Variants in YWHAH observed in about 807,000 individuals in gnomAD.
YWHAH encodes the protein tyrosine 3-monooxygenase/tryptophan 5-monooxygenase activation protein eta.
Under a neutral mutation model 22.9 loss-of-function variants are expected in YWHAH, and 6 were observed. The ratio of observed to expected loss-of-function variants is 0.26; its 90% confidence interval spans 0.14 to 0.52. YWHAH has a LOEUF of 0.52. Ranked by LOEUF, YWHAH falls within the 20% of genes least tolerant of loss-of-function variation. The pLI is 0.97. For synonymous variants in YWHAH, 135 were observed against 124.5 expected (o/e 1.08, Z -0.56); for missense variants, 173 against 308.6 (o/e 0.56, Z 3.29).
intron 1 of YWHAH, among the ~76,000 whole-genome samples, chr22:31,948,664 C>T (rs2093838455): frequency 6.6e-6 from 1 of 152,154 alleles, no homozygotes; most frequent in South Asian, 2.1e-4. Context: ...AGTGAGCTAC[C>T]ACACCCAACC....
At chr22:31,953,726 A>G (rs1212140962) in intron 1 of YWHAH, among the ~76,000 whole-genome samples, 1 of 152,190 alleles carries the variant, frequency 6.6e-6, no homozygotes, top group Non-Finnish European at 1.5e-5. Flanking sequence ...AGGATGAATA[A>G]TGAGAACCCT....
At chr22:31,946,322 C>A (rs189991974) in intron 1 of YWHAH, among the ~76,000 whole-genome samples, 11 of 152,100 alleles carry the variant, frequency 7.2e-5, no homozygotes, top group African/African-American at 2.7e-4. Context: ...TATAGTTTTG[C>A]ATATTTTACA....
rs963208626 is a variant in YWHAH at position 31,944,566 on chromosome 22, C to T, written c.-168C>T. 9.6e-5 allele frequency: 29 copies of T among 303,610 alleles called. No homozygotes were observed. The highest frequency in any genetic ancestry group is 5.7e-4 in the African/African-American group (25 of 43,484). 18.8% of individuals were successfully genotyped at this position (303,610 alleles called of 1,614,324 possible). On this transcript the variant is annotated 5_prime_UTR_variant, in exon 1 of 2. Coordinates refer to ENST00000248975, the MANE Select transcript of YWHAH (RefSeq NM_003405.4). ...CGCGGGGCGAGCCAGCGAGAGGGCG[C>T]GAGCGGCGGCGCTGCCTGCAGCCTG...
chr22:31,945,463 T>A, intron 1 of YWHAH: 2 of 1,304,140 alleles, frequency 1.5e-6, no homozygotes, highest in Non-Finnish European at 2.0e-6. Context: ...GCTGCTGCGC[T>A]GTCTGCTTGG....
Position 31,944,575 on chromosome 22 carries a change from GCGCTGCC to G in YWHAH, c.-158_-152del, listed in dbSNP as rs1392100390. 385 of 329,488 alleles carry G rather than the reference GCGCTGCC, an allele frequency of 1.2e-3. 3 individuals carry two copies. The highest frequency in any genetic ancestry group is 8.5e-3 in the African/African-American group (359 of 42,380). 20.4% of individuals were successfully genotyped at this position (329,488 alleles called of 1,614,324 possible). ...AGCCAGCGAGAGGGCGCGAGCGGCG[GCGCTGCC>G]TGCAGCCTGCAGCCTGCAGCCTCCG... On this transcript the variant is annotated 5_prime_UTR_variant, in exon 1 of 2. Coordinates refer to ENST00000248975, the MANE Select transcript of YWHAH (RefSeq NM_003405.4).
At chr22:31,947,435 G>C (rs1291640329) in intron 1 of YWHAH, 2 of 471,444 alleles carry the variant, frequency 4.2e-6, no homozygotes, top group Non-Finnish European at 8.8e-6. Flanking sequence ...CTGCCTTCCT[G>C]TAATGATTGA....
At position 31,944,855 on chromosome 22, in the gene YWHAH, G is replaced by C. The variant is rs1401649286; in HGVS notation, c.87+35G>C. 4 of 1,324,946 alleles carry C rather than the reference G, an allele frequency of 3.0e-6. No individual in the cohort carries two copies. In the African/African-American group the frequency reaches 6.1e-5, roughly 20 times the overall value. The allele number at this position is 1,324,946 out of a possible 1,614,324, so 82.1% of individuals were successfully genotyped here. On this transcript the variant is annotated intron_variant, in intron 1 of 1. Transcript: ENST00000248975. Reference sequence around the variant, plus strand: ...CCGGGAGCCCGGGCGGCTGGCCGGGGGGGGCCTGGCGTTGGGGAGGGACGG... The same window carrying C: ...CCGGGAGCCCGGGCGGCTGGCCGGGCGGGGCCTGGCGTTGGGGAGGGACGG...
chr22:31,947,626 G>GCTCT (rs564582839), intron 1 of YWHAH: 147,303 of 389,300 alleles, frequency 0.38, 28,871 homozygotes, highest in Non-Finnish European at 0.4. Context: ...GTATCTTCAA[G>GCTCT]CTCTATCTCA....
At position 31,944,797 on chromosome 22, in the gene YWHAH, G is replaced by T; in HGVS notation, c.64G>T (p.Asp22Tyr). The change falls in exon 1 of 2, where the codon GAC becomes TAC. Residue 22 changes from aspartate (D) to tyrosine (Y), a missense_variant. Physicochemically the swap from Asp to Tyr is radical, Grantham distance 160. Coordinates refer to ENST00000248975, the MANE Select transcript of YWHAH (RefSeq NM_003405.4). ...GGCCGAGCAGGCGGAGCGCTACGACGACATGGCCTCCGCTATGAAGGCGGT... is the reference window on the plus strand; with the variant it reads ...GGCCGAGCAGGCGGAGCGCTACGACTACATGGCCTCCGCTATGAAGGCGGT... ...RLAEQAERYDDMASAMKAVTE... is the reference protein window; with the variant it reads ...RLAEQAERYDYMASAMKAVTE... 7.1e-7 allele frequency: 1 copy of T among 1,415,102 alleles called. No individual in the cohort carries two copies. The highest frequency in any genetic ancestry group is 9.3e-7 in the Non-Finnish European group (1 of 1,078,258). 87.7% of individuals were successfully genotyped at this position (1,415,102 alleles called of 1,614,324 possible). A position where few individuals can be genotyped will look rare whatever the true frequency, so the allele number is the denominator to read the frequency against.
intron 1 of YWHAH, among the ~76,000 whole-genome samples, chr22:31,951,261 C>T (rs564137893): frequency 6.6e-6 from 1 of 152,162 alleles, no homozygotes; most frequent in East Asian, 1.9e-4. Context: ...ACACTTCTGC[C>T]AAAGAAGCTT....
At chr22:31,948,071 T>G (rs1249565863) in intron 1 of YWHAH, among the ~76,000 whole-genome samples, 1 of 151,466 alleles carries the variant, frequency 6.6e-6, no homozygotes, top group Non-Finnish European at 1.5e-5. Flanking sequence ...ATAGAAATCT[T>G]TTTTTTTTAA....
chr22:31,944,787 G>T lies in YWHAH; in HGVS notation c.54G>T (p.Glu18Asp). 7.0e-7 allele frequency: 1 copy of T among 1,420,196 alleles called. No individual in the cohort carries two copies. The highest frequency in any genetic ancestry group is 9.2e-7 in the Non-Finnish European group (1 of 1,081,180). The allele number at this position is 1,420,196 out of a possible 1,614,324, so 88.0% of individuals were successfully genotyped here. A position where few individuals can be genotyped will look rare whatever the true frequency, so the allele number is the denominator to read the frequency against. ...GGGCGCGGCTGGCCGAGCAGGCGGA[G>T]CGCTACGACGACATGGCCTCCGCTA... is the stretch of plus-strand genomic sequence containing the variant. The part of the protein sequence containing the change: ...LQRARLAEQA[E>D]RYDDMASAMK... The change falls in exon 1 of 2, where the codon GAG (glutamate) becomes GAT (aspartate). Residue 18 changes from glutamate (E) to aspartate (D), a missense_variant. Coordinates refer to ENST00000248975, the MANE Select transcript of YWHAH (RefSeq NM_003405.4).
At chr22:31,952,967 G>T (rs969755921) in intron 1 of YWHAH, among the ~76,000 whole-genome samples, 5 of 152,182 alleles carry the variant, frequency 3.3e-5, no homozygotes, top group African/African-American at 9.7e-5. Context: ...TTTGTTTAAG[G>T]TCACATAGCT....
At position 31,956,892 on chromosome 22, in the gene YWHAH, G is replaced by A. The variant is rs2093850261; in HGVS notation, c.*100G>A. ...TAAATATCTAGTGCTAAACCTATCT[G>A]TATTGGCAGCACAGCTACTCAGATC... On this transcript the variant is annotated 3_prime_UTR_variant, in exon 2 of 2. Coordinates refer to ENST00000248975, the MANE Select transcript of YWHAH (RefSeq NM_003405.4). The surrounding 1 kb of genome is among the most constrained non-coding windows in gnomAD (Gnocchi z 5.1). 4 of 1,386,138 alleles carry A rather than the reference G, an allele frequency of 2.9e-6. No individual in the cohort carries two copies. The highest frequency in any genetic ancestry group is 3.8e-6 in the Non-Finnish European group (4 of 1,045,628). 85.9% of individuals were successfully genotyped at this position (1,386,138 alleles called of 1,614,324 possible).
chr22:31,947,385 T>G (rs1005554582), intron 1 of YWHAH: 1 of 467,620 alleles, frequency 2.1e-6, no homozygotes, highest in Non-Finnish European at 4.4e-6. Flanking sequence ...TCTAACTTGT[T>G]TTCTGTTTCC....
chr22:31,949,188 G>A (rs1333184971), intron 1 of YWHAH, among the ~76,000 whole-genome samples: 2 of 140,222 alleles, frequency 1.4e-5, no homozygotes, highest in African/African-American at 5.4e-5. Flanking sequence ...TGCCCAGGCT[G>A]GAGTACAATG....
At chr22:31,955,587 C>T (rs1013740507) in intron 1 of YWHAH, among the ~76,000 whole-genome samples, 6 of 151,924 alleles carry the variant, frequency 3.9e-5, no homozygotes, top group African/African-American at 1.5e-4. Flanking sequence ...GGACTACAAG[C>T]GCGTGCCACC....
intron 1 of YWHAH, among the ~76,000 whole-genome samples, chr22:31,951,049 T>C (rs1333257045): frequency 1.3e-5 from 2 of 152,076 alleles, no homozygotes; most frequent in African/African-American, 4.8e-5. Flanking sequence ...CACGCCACCA[T>C]GCCCAGCTAA....
At position 31,956,037 on chromosome 22, in the gene YWHAH, A is replaced by G. The variant is rs1451426812; in HGVS notation, c.88-102A>G. On this transcript the variant is annotated intron_variant, in intron 1 of 1. Transcript: ENST00000248975. The surrounding 1 kb of genome is among the most constrained non-coding windows in gnomAD (Gnocchi z 5.1). ...TCTCCAGAGTGACTGACCTGTTCGTAATTCCGTTCTTGAGAAGGATTGTTG... is the reference window on the plus strand; with the variant it reads ...TCTCCAGAGTGACTGACCTGTTCGTGATTCCGTTCTTGAGAAGGATTGTTG... The G allele has an allele frequency of 2.9e-6, 4 of 1,387,040 alleles. No individual in the cohort carries two copies. Among genetic ancestry groups the G allele is most frequent in the Admixed American group, 4.7e-5 (2 of 42,744 alleles). 85.9% of individuals were successfully genotyped at this position (1,387,040 alleles called of 1,614,324 possible). A position where few individuals can be genotyped will look rare whatever the true frequency, so the allele number is the denominator to read the frequency against.
Sources: gnomAD v4.1 joint callset for allele counts (sites outside exome capture counted in the v4.1 genomes callset) on GRCh38, gnomAD v4.1.1 for gene constraint, Gnocchi (gnomAD v3.1) non-coding constraint, MANE v1.5 for transcripts, NCBI Gene and HGNC (gene_info 2026-07-23, HGNC 2026-07-21) for gene names.